COL24A1: variants seen among roughly 807,000 people sequenced by gnomAD.
COL24A1 encodes the protein collagen type XXIV alpha 1 chain.
A neutral mutation model predicts 253.9 loss-of-function variants in COL24A1; 224 were observed. The observed-to-expected ratio is 0.88, with a 90% confidence interval of 0.79 to 0.99. The LOEUF (loss-of-function observed/expected upper bound fraction) is 0.99. Among genes scored for constraint, COL24A1 ranks in the 50% least tolerant of loss-of-function variants. The pLI is 0.00. For missense variants in COL24A1, 2,131 were observed against 2,068.5 expected, an observed-to-expected ratio of 1.03 and a Z score of -0.59; for synonymous variants, 685 against 673.7, an observed-to-expected ratio of 1.02 and a Z score of -0.26.
At chr1:85,962,428 G>A (rs779128968) in intron 23 of COL24A1, among the ~76,000 whole-genome samples, 5 of 152,046 alleles carry the variant, frequency 3.3e-5, no homozygotes, top group Non-Finnish European at 7.4e-5. Flanking sequence ...TAATCTAAAC[G>A]TCCTTACATT....
At chr1:85,738,834 T>C (rs900139386) in intron 57 of COL24A1, among the ~76,000 whole-genome samples, 1 of 152,176 alleles carries the variant, frequency 6.6e-6, no homozygotes, top group African/African-American at 2.4e-5. Flanking sequence ...GCTTAATTGG[T>C]AGCTCAAAGG....
chr1:85,809,015 T>C (rs1036322616), intron 47 of COL24A1, among the ~76,000 whole-genome samples: 1 of 152,200 alleles, frequency 6.6e-6, no homozygotes, highest in Non-Finnish European at 1.5e-5. Context: ...ACAGGATCAG[T>C]TGAGTCATGA....
chr1:85,758,906 C>T (rs183477622), intron 55 of COL24A1, among the ~76,000 whole-genome samples: 7 of 152,142 alleles, frequency 4.6e-5, no homozygotes, highest in Admixed American at 2.0e-4. Flanking sequence ...AGATTCACAA[C>T]GTTGTTCAAC....
intron 2 of COL24A1, among the ~76,000 whole-genome samples, chr1:86,141,667 T>A (rs1651099010): frequency 6.6e-6 from 1 of 152,034 alleles, no homozygotes. Flanking sequence ...AGCCTACCCA[T>A]GCAAACAGTT....
chr1:85,783,133 AC>A (rs1478192607), intron 51 of COL24A1, among the ~76,000 whole-genome samples: 2 of 152,172 alleles, frequency 1.3e-5, no homozygotes, highest in African/African-American at 4.8e-5. Flanking sequence ...CTGGTCATAC[AC>A]AAGCTTCTTC....
At chr1:85,900,114 T>C (rs1684127388) in intron 28 of COL24A1, among the ~76,000 whole-genome samples, 1 of 152,178 alleles carries the variant, frequency 6.6e-6, no homozygotes, top group South Asian at 2.1e-4. Flanking sequence ...AATTAAGGAA[T>C]ACATATAGTA....
chr1:85,842,068 C>A lies in COL24A1; in HGVS notation c.3570G>T (p.Lys1190Asn), dbSNP rs1041107809. Reference sequence around the variant, plus strand: ...TTAAAAAGCCAATATATACACAAACCTTTTCTCCTTTAGGTCCTGGCAATC... The same window carrying A: ...TTAAAAAGCCAATATATACACAAACATTTTCTCCTTTAGGTCCTGGCAATC... The part of the protein sequence containing the change: ...PSGLPGPKGE[K>N]GYPGEDSTVL... Residue 1190 changes from lysine (K) to asparagine (N), a missense_variant and splice_region_variant, in exon 41 of 60, where the codon AAG becomes AAT. Physicochemically the swap from Lys to Asn is moderately conservative, Grantham distance 94. Coordinates refer to ENST00000370571, the MANE Select transcript of COL24A1 (RefSeq NM_152890.7). 4 of 1,613,094 alleles carry A rather than the reference C, an allele frequency of 2.5e-6. No homozygotes were observed. Among genetic ancestry groups the A allele is most frequent in the South Asian group, 1.1e-5 (1 of 91,030 alleles).
At chr1:86,057,204 T>C (rs1033726858) in intron 10 of COL24A1, among the ~76,000 whole-genome samples, 1 of 152,082 alleles carries the variant, frequency 6.6e-6, no homozygotes, top group Non-Finnish European at 1.5e-5. Context: ...ACCTTCCGTT[T>C]TTCTCTCTTA....
At chr1:85,783,580 A>G in intron 50 of COL24A1, 22 bp from the exon 51 acceptor site, 1 of 1,606,850 alleles carries the variant, frequency 6.2e-7, no homozygotes, top group Non-Finnish European at 8.5e-7. Flanking sequence ...ATAAGAAACA[A>G]AAAGATAAAA....
intron 7 of COL24A1, among the ~76,000 whole-genome samples, chr1:86,080,546 T>C (rs895792994): frequency 3.5e-4 from 53 of 152,144 alleles, no homozygotes; most frequent in African/African-American, 1.2e-3. Context: ...ATGCACCCCA[T>C]GAATATATAC....
chr1:85,880,247 ATTTC>A, intron 32 of COL24A1, among the ~76,000 whole-genome samples: 1 of 152,244 alleles, frequency 6.6e-6, no homozygotes, highest in South Asian at 2.1e-4. Flanking sequence ...AGTTACAACT[ATTTC>A]TTTCTCTCTT....
intron 2 of COL24A1, among the ~76,000 whole-genome samples, chr1:86,132,021 C>A (rs1253089971): frequency 6.6e-6 from 1 of 152,156 alleles, no homozygotes; most frequent in Non-Finnish European, 1.5e-5. Flanking sequence ...TCCTCTCCAG[C>A]ACTTGTTGTT....
chr1:85,915,714 T>C (rs968081990), intron 24 of COL24A1, among the ~76,000 whole-genome samples: 28 of 152,144 alleles, frequency 1.8e-4, no homozygotes, highest in Non-Finnish European at 3.8e-4. Flanking sequence ...AGTGGTATGA[T>C]CTTGGTTCAC....
At chr1:85,911,576 C>A in intron 24 of COL24A1, 143 bp from the exon 25 acceptor site, 2 of 718,500 alleles carry the variant, frequency 2.8e-6, no homozygotes. Context: ...CCTTGTATAG[C>A]TATGCAGTCT....
chr1:85,971,525 G>T, intron 20 of COL24A1, 132 bp from the exon 21 acceptor site: 1 of 708,936 alleles, frequency 1.4e-6, no homozygotes, highest in South Asian at 2.0e-5. Flanking sequence ...CTCAAAATGG[G>T]TTGCAGTATG....
chr1:85,790,402 T>G (rs1670149610), intron 47 of COL24A1, among the ~76,000 whole-genome samples: 1 of 151,918 alleles, frequency 6.6e-6, no homozygotes, highest in Admixed American at 6.6e-5. Context: ...CGATGATATC[T>G]CCTTTATCAT....
chr1:85,937,029 A>T lies in COL24A1; in HGVS notation c.2562+24220T>A, dbSNP rs548912713. 7.5e-5 allele frequency among the ~76,000 whole-genome samples: 11 copies of T among 147,588 alleles called. 2 individuals are homozygous for T. In the East Asian group the frequency reaches 2.1e-3, roughly 29 times the overall value. On this transcript the variant is annotated intron_variant, in intron 24 of 59. Transcript: ENST00000370571. The stretch of plus-strand genomic sequence containing the variant: ...ATATGAGCAACACAGAGGCACAAGC[A>T]GACTGCATAAGCAAGTTGTCCATAT...
intron 14 of COL24A1, chr1:86,030,596 C>T (rs1698478274): frequency 6.6e-6 from 1 of 152,238 alleles, no homozygotes; most frequent in African/African-American, 2.4e-5. Context: ...GACCCTCAAA[C>T]CCACGTTTGC....
intron 10 of COL24A1, among the ~76,000 whole-genome samples, chr1:86,050,436 T>C (rs1020687520): frequency 6.6e-6 from 1 of 152,134 alleles, no homozygotes; most frequent in Admixed American, 6.6e-5. Context: ...CTAAATTTTA[T>C]AGCGGGCAGA....
Sources: allele counts gnomAD v4.1 joint callset (sites outside exome capture counted in the v4.1 genomes callset), GRCh38; gene constraint gnomAD v4.1.1; transcripts MANE v1.5; gene names NCBI Gene and HGNC (gene_info 2026-07-23, HGNC 2026-07-21).